The following LRGUK variants were observed in gnomAD, a reference collection of about 807,000 sequenced individuals.
The protein encoded by LRGUK is leucine rich repeats and guanylate kinase domain containing.
In LRGUK, 65 loss-of-function variants were observed where a neutral mutation model predicts 76.0. That is an observed-to-expected ratio of 0.85 (90% confidence interval 0.70 to 1.05). The LOEUF (loss-of-function observed/expected upper bound fraction) is 1.05. Among genes scored for constraint, LRGUK ranks in the 50% least tolerant of loss-of-function variants. LRGUK has a pLI of 0.00. For missense variants in LRGUK, 758 were observed against 732.8 expected (o/e 1.03, Z -0.40); for synonymous variants, 268 against 265.6 (o/e 1.01, Z -0.09).
intron 7 of LRGUK, among the ~76,000 whole-genome samples, chr7:134,171,206 G>T (rs1799228109): frequency 6.6e-6 from 1 of 150,890 alleles, no homozygotes; most frequent in Admixed American, 6.6e-5. Context: ...ATCTGTTTCT[G>T]AAGTATTTAT....
At chr7:134,158,789 A>G (rs17761994) in intron 6 of LRGUK, among the ~76,000 whole-genome samples, 6,699 of 152,252 alleles carry the variant, frequency 0.044, 217 homozygotes, top group Non-Finnish European at 0.066. Context: ...CAGGATTCTA[A>G]TAGTCCCAAA....
intron 16 of LRGUK, among the ~76,000 whole-genome samples, chr7:134,244,730 G>A (rs1352930239): frequency 6.6e-6 from 1 of 152,110 alleles, no homozygotes; most frequent in Non-Finnish European, 1.5e-5. Flanking sequence ...TTTAAATGAT[G>A]CTGCTATAAA....
downstream of LRGUK, among the ~76,000 whole-genome samples, chr7:134,266,653 G>T (rs1465845143): frequency 6.6e-6 from 1 of 152,188 alleles, no homozygotes; most frequent in Non-Finnish European, 1.5e-5. Flanking sequence ...CCAGGGATGT[G>T]TAGGACTATG....
At chr7:134,167,044 T>C (rs1413140142) in intron 7 of LRGUK, among the ~76,000 whole-genome samples, 2 of 152,142 alleles carry the variant, frequency 1.3e-5, no homozygotes, top group Non-Finnish European at 2.9e-5. Flanking sequence ...GCTGACAACA[T>C]TGATGCAGAG....
chr7:134,192,105 G>A lies in LRGUK; in HGVS notation c.1431+354G>A, dbSNP rs564680397. The stretch of plus-strand genomic sequence containing the variant: ...CAAGAAAAACAGTTCTTACATAACC[G>A]ATGGCACAGAAATCTTGTAAATTAA... On this transcript the variant is annotated intron_variant, in intron 12 of 15. Coordinates refer to ENST00000645682, the Ensembl canonical transcript of LRGUK. Among the ~76,000 whole-genome samples, 198 of 152,242 alleles carry A rather than the reference G, an allele frequency of 1.3e-3. 1 individual carries two copies. The highest frequency in any genetic ancestry group is 3.5e-3 in the Admixed American group (54 of 15,300).
At chr7:134,221,953 G>T in intron 16 of LRGUK, 35 bp downstream of exon 16, 1 of 1,549,770 alleles carries the variant, frequency 6.5e-7, no homozygotes, top group African/African-American at 1.4e-5. Flanking sequence ...AGCCACAACT[G>T]AGCTCTATAC....
intron 15 of LRGUK, among the ~76,000 whole-genome samples, chr7:134,203,610 C>T (rs1192588457): frequency 6.6e-6 from 1 of 152,120 alleles, no homozygotes; most frequent in African/African-American, 2.4e-5. Context: ...GATGAAGTGA[C>T]CAGGGTATGA....
chr7:134,142,298 T>C (rs964830140), intron 3 of LRGUK, among the ~76,000 whole-genome samples: 1 of 152,264 alleles, frequency 6.6e-6, no homozygotes, highest in African/African-American at 2.4e-5. Flanking sequence ...TGACCCTTCC[T>C]GATTCCTTCC....
chr7:134,235,346 CACTA>C (rs1174497736), intron 16 of LRGUK, among the ~76,000 whole-genome samples: 6 of 152,204 alleles, frequency 3.9e-5, no homozygotes, highest in Non-Finnish European at 5.9e-5. Context: ...AGAGCCATTG[CACTA>C]ACTGTTTCTT....
At chr7:134,249,592 G>T (rs970430282) in intron 18 of LRGUK, among the ~76,000 whole-genome samples, 1 of 152,154 alleles carries the variant, frequency 6.6e-6, no homozygotes. Context: ...GTCTGTATTT[G>T]CAACCAACCA....
chr7:134,234,514 G>A (rs1448297064), intron 16 of LRGUK, among the ~76,000 whole-genome samples: 1 of 151,976 alleles, frequency 6.6e-6, no homozygotes, highest in Non-Finnish European at 1.5e-5. Flanking sequence ...AGGTGGGCAG[G>A]GAATAGATTA....
chr7:134,255,889 C>T (rs1802566370), intron 18 of LRGUK, among the ~76,000 whole-genome samples: 1 of 152,098 alleles, frequency 6.6e-6, no homozygotes, highest in African/African-American at 2.4e-5. Context: ...TATCTGAGGG[C>T]ATCCAGTGAT....
chr7:134,163,320 T>A, intron 6 of LRGUK, 77 bp from the exon 7 acceptor site: 4 of 1,340,092 alleles, frequency 3.0e-6, no homozygotes, highest in Admixed American at 2.0e-5. Flanking sequence ...TGGGTCAGTA[T>A]CCCAAATGAA....
At chr7:134,242,359 G>T (rs1802181754) in intron 16 of LRGUK, among the ~76,000 whole-genome samples, 1 of 152,166 alleles carries the variant, frequency 6.6e-6, no homozygotes, top group South Asian at 2.1e-4. Flanking sequence ...AATAAAAAAT[G>T]ATAAAGGGGA....
At chr7:134,255,543 A>G (rs1312175721) in intron 18 of LRGUK, among the ~76,000 whole-genome samples, 8 of 152,214 alleles carry the variant, frequency 5.3e-5, no homozygotes, top group African/African-American at 1.9e-4. Context: ...TAGTTCAGAC[A>G]TATTTTTTGT....
At chr7:134,162,353 A>G (rs571433060) in intron 6 of LRGUK, among the ~76,000 whole-genome samples, 11 of 152,166 alleles carry the variant, frequency 7.2e-5, no homozygotes, top group Admixed American at 2.6e-4. Context: ...TTCCTTTTCC[A>G]TATAACCTCT....
At chr7:134,137,623 T>A (rs1451831768) in intron 2 of LRGUK, among the ~76,000 whole-genome samples, 3 of 151,988 alleles carry the variant, frequency 2.0e-5, no homozygotes, top group Non-Finnish European at 4.4e-5. Flanking sequence ...AAAAATCTAT[T>A]ATTATTCATC....
chr7:134,241,709 G>T (rs1238469143), intron 16 of LRGUK, among the ~76,000 whole-genome samples: 1 of 152,038 alleles, frequency 6.6e-6, no homozygotes, highest in South Asian at 2.1e-4. Context: ...GCAGACCTAA[G>T]AGACATCTAC....
intron 5 of LRGUK, among the ~76,000 whole-genome samples, chr7:134,157,645 C>A (rs1340426778): frequency 6.6e-6 from 1 of 152,178 alleles, no homozygotes; most frequent in East Asian, 1.9e-4. Flanking sequence ...GCCTCAGCCT[C>A]CCGAGTAGCT....
Sources: allele counts gnomAD v4.1 joint callset (sites outside exome capture counted in the v4.1 genomes callset), GRCh38; gene constraint gnomAD v4.1.1; transcripts MANE v1.5; gene names NCBI Gene and HGNC (gene_info 2026-07-23, HGNC 2026-07-21).